The following PDE4B variants were observed in gnomAD, a reference collection of about 807,000 sequenced individuals.
PDE4B encodes the protein 3',5'-cyclic-AMP phosphodiesterase 4B.
In PDE4B, 20 loss-of-function variants were observed where a neutral mutation model predicts 82.2. That is an observed-to-expected ratio of 0.24 (90% CI 0.17 to 0.35). The LOEUF (loss-of-function observed/expected upper bound fraction) is 0.35. Among genes scored for constraint, PDE4B ranks in the 10% least tolerant of loss-of-function variants. The probability of loss-of-function intolerance (pLI) is 1.00; values close to 1 mark genes in which losing one functional copy is unlikely to be tolerated. For synonymous variants in PDE4B, 320 were observed against 318.9 expected (o/e 1.00, Z -0.04); for missense variants, 655 against 907.2 (o/e 0.72, Z 3.57).
At chr1:66,176,572 T>C (rs1646935925) in intron 3 of PDE4B, among the ~76,000 whole-genome samples, 1 of 152,246 alleles carries the variant, frequency 6.6e-6, no homozygotes. Flanking sequence ...GAAGCTATCA[T>C]ATTAAAAGAT....
Position 66,321,978 on chromosome 1 carries a change from T to C in PDE4B, c.635-10530T>C, listed in dbSNP as rs543348181. Among the ~76,000 whole-genome samples, 14 of 152,294 alleles carry C rather than the reference T, an allele frequency of 9.2e-5. No homozygotes were observed. In the South Asian group the frequency reaches 2.9e-3, roughly 32 times the overall value. On this transcript the variant is annotated intron_variant, in intron 7 of 16. Transcript: ENST00000341517. The stretch of plus-strand genomic sequence containing the variant: ...TGGTACTGGTACCAGAACGCAGATA[T>C]AGACCACTGGAACAGAACAGAGTCC...
chr1:66,347,350 T>A (rs374031895), intron 8 of PDE4B, among the ~76,000 whole-genome samples: 1 of 152,226 alleles, frequency 6.6e-6, no homozygotes, highest in South Asian at 2.1e-4. Flanking sequence ...AATTTATGTC[T>A]ATTTTATGTT....
At chr1:65,876,843 G>C (rs1226875590) in intron 1 of PDE4B, among the ~76,000 whole-genome samples, 3 of 152,048 alleles carry the variant, frequency 2.0e-5, no homozygotes, top group African/African-American at 7.2e-5. Flanking sequence ...AACTTACAAG[G>C]GACGTGAAGA....
At chr1:65,848,789 G>T (rs1458842891) in intron 1 of PDE4B, among the ~76,000 whole-genome samples, 1 of 151,916 alleles carries the variant, frequency 6.6e-6, no homozygotes, top group Non-Finnish European at 1.5e-5. Flanking sequence ...ATTTACCTTT[G>T]TTGAACATTT....
At chr1:66,240,924 C>T (rs928016949) in intron 3 of PDE4B, among the ~76,000 whole-genome samples, 1 of 152,158 alleles carries the variant, frequency 6.6e-6, no homozygotes, top group African/African-American at 2.4e-5. Flanking sequence ...AGTTAGTTCC[C>T]CCACAGAGCT....
In PDE4B at chr1:66,373,497, G is replaced by C. The variant is rs2050857850; in HGVS notation, c.*819G>C. 6.6e-6 allele frequency: 1 copy of C among 152,588 alleles called. No homozygotes were observed. Among genetic ancestry groups the C allele is most frequent in the Non-Finnish European group, 1.5e-5 (1 of 68,098 alleles). 9.5% of individuals were successfully genotyped at this position (152,588 alleles called of 1,614,324 possible). A position where few individuals can be genotyped will look rare whatever the true frequency, so the allele number is the denominator to read the frequency against. On this transcript the variant is annotated 3_prime_UTR_variant, in exon 17 of 17. Coordinates refer to ENST00000341517, the MANE Select transcript of PDE4B (RefSeq NM_002600.4). ...CAGCAGTGTGCCCTGCTGTGTCTTGGACCCTGCCCCCCACAGGAGTTGTAC... is the reference window on the plus strand; with the variant it reads ...CAGCAGTGTGCCCTGCTGTGTCTTGCACCCTGCCCCCCACAGGAGTTGTAC...
intron 1 of PDE4B, among the ~76,000 whole-genome samples, chr1:65,902,809 T>G (rs1285724189): frequency 6.6e-6 from 1 of 152,172 alleles, no homozygotes; most frequent in Non-Finnish European, 1.5e-5. Context: ...CAGAAGTATA[T>G]TTTTTGGTTT....
intron 3 of PDE4B, among the ~76,000 whole-genome samples, chr1:66,229,634 T>C (rs1651786466): frequency 6.6e-6 from 1 of 152,168 alleles, no homozygotes; most frequent in Admixed American, 6.5e-5. Context: ...ATCTACAGAT[T>C]TTGAGGAATT....
intron 1 of PDE4B, among the ~76,000 whole-genome samples, chr1:65,859,147 G>A (rs564589232): frequency 6.6e-6 from 1 of 151,970 alleles, no homozygotes; most frequent in South Asian, 2.1e-4. Flanking sequence ...GGATCTTTGA[G>A]AACTTATTTT....
intron 7 of PDE4B, among the ~76,000 whole-genome samples, chr1:66,297,379 C>CT (rs1366333430): frequency 6.6e-6 from 1 of 151,990 alleles, no homozygotes; most frequent in Non-Finnish European, 1.5e-5. Flanking sequence ...TTGTTTTAGG[C>CT]TTTTTTGAAT....
At chr1:66,173,169 T>C (rs903892778) in intron 3 of PDE4B, among the ~76,000 whole-genome samples, 2 of 152,162 alleles carry the variant, frequency 1.3e-5, no homozygotes, top group African/African-American at 4.8e-5. Context: ...AGGAAGACTT[T>C]CCAGGCATAA....
intron 3 of PDE4B, among the ~76,000 whole-genome samples, chr1:66,221,356 G>A (rs1004864796): frequency 6.6e-6 from 1 of 152,094 alleles, no homozygotes; most frequent in African/African-American, 2.4e-5. Context: ...TATTTATTAT[G>A]TCAGCAGACT....
intron 1 of PDE4B, among the ~76,000 whole-genome samples, chr1:65,846,937 C>T (rs1026722794): frequency 1.3e-5 from 2 of 152,148 alleles, no homozygotes; most frequent in South Asian, 4.1e-4. Context: ...GTATGGTAAA[C>T]AACTCTTTCC....
chr1:66,195,648 T>C (rs1648235083), intron 3 of PDE4B, among the ~76,000 whole-genome samples: 1 of 152,152 alleles, frequency 6.6e-6, no homozygotes, highest in Non-Finnish European at 1.5e-5. Flanking sequence ...AACCTCAATT[T>C]TGCTTTCTGT....
intron 3 of PDE4B, among the ~76,000 whole-genome samples, chr1:65,922,825 A>G (rs1351497573): frequency 2.0e-5 from 3 of 152,236 alleles, no homozygotes; most frequent in African/African-American, 4.8e-5. Flanking sequence ...AGACACTTGC[A>G]AGACATATCA....
intron 3 of PDE4B, among the ~76,000 whole-genome samples, chr1:66,230,564 T>G (rs2101630726): frequency 6.6e-6 from 1 of 152,362 alleles, no homozygotes; most frequent in South Asian, 2.1e-4. Context: ...TTTGTGACAT[T>G]TTCTGTTATC....
chr1:65,996,974 G>C (rs1651577177), intron 3 of PDE4B, among the ~76,000 whole-genome samples: 1 of 152,150 alleles, frequency 6.6e-6, no homozygotes, highest in South Asian at 2.1e-4. Context: ...TGTATGGCCT[G>C]CCTGTGCTTG....
chr1:65,958,565 A>G (rs1176775972), intron 3 of PDE4B, among the ~76,000 whole-genome samples: 1 of 152,148 alleles, frequency 6.6e-6, no homozygotes, highest in East Asian at 1.9e-4. Context: ...ATTCACCTAT[A>G]CAATATCTGG....
intron 1 of PDE4B, among the ~76,000 whole-genome samples, chr1:65,838,529 A>G (rs1171187604): frequency 1.4e-5 from 2 of 148,080 alleles, no homozygotes; most frequent in Non-Finnish European, 3.0e-5. Flanking sequence ...GTATATGTAT[A>G]TATATGTATG....
Sources: gnomAD v4.1 joint callset for allele counts (sites outside exome capture counted in the v4.1 genomes callset) on GRCh38, gnomAD v4.1.1 for gene constraint, MANE v1.5 for transcripts, NCBI Gene and HGNC (gene_info 2026-07-23, HGNC 2026-07-21) for gene names.